The following SI variants were observed in gnomAD, a reference collection of about 807,000 sequenced individuals.
SI encodes sucrase-isomaltase, intestinal.
A neutral mutation model predicts 253.3 loss-of-function variants in SI; 235 were observed. That is an observed-to-expected ratio of 0.93 (90% CI 0.83 to 1.03). The LOEUF (loss-of-function observed/expected upper bound fraction) is 1.03. Ranked by LOEUF, SI falls within the 50% of genes least tolerant of loss-of-function variation. SI has a pLI of 0.00. For synonymous variants in SI, 819 were observed against 712.0 expected, an observed-to-expected ratio of 1.15 and a Z score of -2.39; for missense variants, 2,442 against 2,211.1, an observed-to-expected ratio of 1.10 and a Z score of -2.09.
In SI at chr3:165,074,527, AG is replaced by A. The variant is rs1482324246; in HGVS notation, c.255+3del. ...TAAAAATATTAAAGACTTTTGCTGC[AG>A]ACCTCTGTTGGGAATTGTTCTGGAA... On this transcript the variant is annotated splice_donor_region_variant and intron_variant, in intron 3 of 47. Coordinates refer to ENST00000264382, the MANE Select transcript of SI (RefSeq NM_001041.4). 1 of 1,594,350 alleles carries A rather than the reference AG, an allele frequency of 6.3e-7. No homozygotes were observed. Among genetic ancestry groups the A allele is most frequent in the Non-Finnish European group, 8.6e-7 (1 of 1,167,730 alleles).
chr3:165,080,400 T>C (rs1035144334), upstream of SI, among the ~76,000 whole-genome samples: 4 of 152,022 alleles, frequency 2.6e-5, no homozygotes, highest in African/African-American at 9.7e-5. Context: ...TTTTGTTCTC[T>C]CCAGTTAAAA....
chr3:165,047,936 G>A (rs899746714), intron 15 of SI, among the ~76,000 whole-genome samples: 1 of 151,802 alleles, frequency 6.6e-6, no homozygotes, highest in Non-Finnish European at 1.5e-5. Context: ...TTCATAATTG[G>A]AAACAATTAG....
chr3:165,002,690 A>G (rs1328606233), intron 37 of SI, among the ~76,000 whole-genome samples: 1 of 151,648 alleles, frequency 6.6e-6, no homozygotes, highest in Admixed American at 6.6e-5. Flanking sequence ...GTTTTTTTAC[A>G]TTTGTCAAGG....
Position 164,994,310 on chromosome 3 carries a change from TTG to T in SI, c.4786_4787del (p.Gln1596AsnfsTer3). The T allele has an allele frequency of 6.2e-7, 1 of 1,611,172 alleles. No homozygotes were observed. The highest frequency in any genetic ancestry group is 8.5e-7 in the Non-Finnish European group (1 of 1,177,958). ...RYTLLPYFYTQMHEIHANGGT... is the reference protein window; with the variant it reads ...RYTLLPYFYTXMHEIHANGGT... ...CACCATTAGCATGAATTTCATGCAT[TTG>T]TGTGTAAAAATAGGGCAATAAGGTG... On this transcript the variant is annotated frameshift_variant, in exon 41 of 48. Transcript: ENST00000264382. LOFTEE classifies it high-confidence loss of function.
rs779449025 is a variant in SI at position 165,062,330 on chromosome 3, A to G, written c.1020+41T>C. 7 of 962,650 alleles carry G rather than the reference A, an allele frequency of 7.3e-6. No individual in the cohort carries two copies. In the East Asian group the frequency reaches 1.2e-4, roughly 17 times the overall value. The allele number at this position is 962,650 out of a possible 1,614,324, so 59.6% of individuals were successfully genotyped here. ...ATGTGGTCATGTTAGATGAAATAAA[A>G]GTATGCAGAAAAAATTTTATAAAAT... On this transcript the variant is annotated intron_variant, in intron 9 of 47. Coordinates refer to ENST00000264382, the MANE Select transcript of SI (RefSeq NM_001041.4).
intron 16 of SI, 35 bp from the exon 17 acceptor site, chr3:165,043,210 A>G (rs769581858): frequency 1.5e-5 from 22 of 1,432,818 alleles, no homozygotes; most frequent in Non-Finnish European, 2.1e-5. Flanking sequence ...TTATAATGTT[A>G]AGATTCTCAA....
At chr3:165,017,225 G>C (rs1719080257) in intron 31 of SI, among the ~76,000 whole-genome samples, 1 of 151,784 alleles carries the variant, frequency 6.6e-6, no homozygotes, top group African/African-American at 2.4e-5. Context: ...ACATATTTCT[G>C]TGAACTTTAA....
chr3:165,040,131 A>G (rs147307915), intron 18 of SI, among the ~76,000 whole-genome samples, 160 bp from the exon 19 acceptor site: 74 of 151,510 alleles, frequency 4.9e-4, no homozygotes, highest in Non-Finnish European at 8.3e-4. Context: ...TACATCCTTT[A>G]TTGTTCATCT....
chr3:165,043,106 C>A lies in SI; in HGVS notation c.1957G>T (p.Gly653Trp). The A allele has an allele frequency of 6.2e-7, 1 of 1,612,638 alleles. No individual in the cohort carries two copies. Among genetic ancestry groups the A allele is most frequent in the Non-Finnish European group, 8.5e-7 (1 of 1,179,136 alleles). Residue 653 changes from glycine (G) to tryptophan (W), a missense_variant, in exon 17 of 48, where the codon GGG (glycine) becomes TGG (tryptophan). Physicochemically the swap from Gly to Trp is radical, Grantham distance 184 (BLOSUM62 -2). Coordinates refer to ENST00000264382, the MANE Select transcript of SI (RefSeq NM_001041.4). ...EELCRRWMQL[G>W]AFYPFSRNHN... Reference sequence around the variant, plus strand: ...TTTCTGGAAAATGGATAAAATGCCCCAAGTTGCATCCATCTTCTGCAAAGT... The same window carrying A: ...TTTCTGGAAAATGGATAAAATGCCCAAAGTTGCATCCATCTTCTGCAAAGT...
At chr3:165,021,201 C>T (rs752779013) in intron 27 of SI, 28 bp downstream of exon 27, 4 of 1,593,936 alleles carry the variant, frequency 2.5e-6, no homozygotes, top group Non-Finnish European at 3.4e-6. Context: ...TTAAAATATC[C>T]TTTATATCAA....
chr3:165,041,476 T>A (rs1024474889), intron 17 of SI, among the ~76,000 whole-genome samples: 1 of 152,050 alleles, frequency 6.6e-6, no homozygotes, highest in African/African-American at 2.4e-5. Context: ...AGCTTCGATG[T>A]GGCGCTCAGT....
At chr3:165,066,495 T>C (rs1458894161) in intron 6 of SI, among the ~76,000 whole-genome samples, 1 of 151,954 alleles carries the variant, frequency 6.6e-6, no homozygotes, top group Non-Finnish European at 1.5e-5. Flanking sequence ...ATTAAATTAT[T>C]ATTTTATTAT....
At chr3:165,087,995 C>T in the SI span, among the ~76,000 whole-genome samples, 3 of 152,210 alleles carry the variant, frequency 2.0e-5, no homozygotes, top group Middle Eastern at 3.4e-3. Flanking sequence ...TACAATTCTT[C>T]ATGCAAATTA....
chr3:165,074,118 T>A (rs1714784669), intron 3 of SI, among the ~76,000 whole-genome samples: 1 of 152,048 alleles, frequency 6.6e-6, no homozygotes, highest in Admixed American at 6.6e-5. Context: ...CAATTAATAA[T>A]TTTCATAAAA....
intron 5 of SI, 146 bp from the exon 6 acceptor site, chr3:165,067,637 A>G (rs752071223): frequency 2.3e-5 from 15 of 665,832 alleles, no homozygotes; most frequent in Non-Finnish European, 3.6e-5. Flanking sequence ...CCTTAATTTT[A>G]ATATTTTTGA....
the SI span, among the ~76,000 whole-genome samples, chr3:165,085,453 T>G: frequency 1.3e-5 from 2 of 152,188 alleles, no homozygotes; most frequent in Non-Finnish European, 2.9e-5. Context: ...CATAAGTTTT[T>G]GGGCACAAAA....
intron 28 of SI, among the ~76,000 whole-genome samples, chr3:165,018,802 G>T (rs943593443): frequency 1.3e-5 from 2 of 151,218 alleles, no homozygotes; most frequent in African/African-American, 4.8e-5. Flanking sequence ...AATCAGTTTT[G>T]GTAAAATGTA....
chr3:165,008,748 A>G (rs2108158558), intron 35 of SI, among the ~76,000 whole-genome samples: 1 of 152,120 alleles, frequency 6.6e-6, no homozygotes, highest in East Asian at 1.9e-4. Context: ...TCAACAAAGT[A>G]AAAAATTTTT....
intron 3 of SI, among the ~76,000 whole-genome samples, chr3:165,073,834 T>C (rs1014268708): frequency 3.3e-5 from 5 of 152,130 alleles, no homozygotes; most frequent in Non-Finnish European, 5.9e-5. Flanking sequence ...ATTTAAAGTA[T>C]ACAGGAGAAT....
Sources: allele counts gnomAD v4.1 joint callset (sites outside exome capture counted in the v4.1 genomes callset), GRCh38; gene constraint gnomAD v4.1.1; transcripts MANE v1.5; gene names NCBI Gene and HGNC (gene_info 2026-07-23, HGNC 2026-07-21).